CTNNBL1: variants seen among roughly 807,000 people sequenced by gnomAD.
CTNNBL1 encodes the protein beta-catenin-like protein 1.
A neutral mutation model predicts 72.7 loss-of-function variants in CTNNBL1; 31 were observed. The observed-to-expected ratio is 0.43, with a 90% CI of 0.32 to 0.58. CTNNBL1 has a LOEUF of 0.58. CTNNBL1 is among the 20% of genes least tolerant of loss of function. CTNNBL1 has a pLI of 0.08. For synonymous variants in CTNNBL1, 240 were observed against 267.3 expected, an observed-to-expected ratio of 0.90 and a Z score of 1.00; for missense variants, 534 against 725.1, an observed-to-expected ratio of 0.74 and a Z score of 3.03.
intron 1 of CTNNBL1, among the ~76,000 whole-genome samples, chr20:37,698,953 G>T (rs148068473): frequency 2.4e-4 from 36 of 152,244 alleles, no homozygotes; most frequent in Non-Finnish European, 4.0e-4. Flanking sequence ...GGCTGAGGAG[G>T]GAGGATTACT....
rs534980689 is a variant in CTNNBL1 at position 37,773,044 on chromosome 20, T to G, written c.751-4301T>G. ...AATGTTTTTAATGGGGAATACAAGC[T>G]TATTAAGATATTACGTACTATTGAA... On this transcript the variant is annotated intron_variant, in intron 7 of 15. Coordinates refer to ENST00000361383, the MANE Select transcript of CTNNBL1 (RefSeq NM_030877.5). 1.8e-4 allele frequency among the ~76,000 whole-genome samples: 27 copies of G among 152,348 alleles called. No homozygotes were observed. In the South Asian group the frequency reaches 5.6e-3, roughly 32 times the overall value.
rs6122902 is a variant in CTNNBL1 at position 37,716,845 on chromosome 20, A to G, written c.31-16034A>G. Among the ~76,000 whole-genome samples the G allele has an allele frequency of 4.5e-3, 689 of 152,374 alleles. 8 individuals are homozygous for G. The highest frequency in any genetic ancestry group is 0.017 in the East Asian group (89 of 5,192). On this transcript the variant is annotated intron_variant, in intron 1 of 15. Coordinates refer to ENST00000361383, the MANE Select transcript of CTNNBL1 (RefSeq NM_030877.5). ...ATACTCAAGGGAAAGTTCCACGTGC[A>G]TTCTATCTTCCTTGAAATAAATGTG...
chr20:37,748,867 T>G (rs1210259036), intron 4 of CTNNBL1, among the ~76,000 whole-genome samples: 3 of 152,308 alleles, frequency 2.0e-5, no homozygotes, highest in Non-Finnish European at 4.4e-5. Flanking sequence ...TATGAATCTG[T>G]GGGGGGATAT....
intron 10 of CTNNBL1, among the ~76,000 whole-genome samples, chr20:37,800,066 T>C (rs969851691): frequency 6.6e-6 from 1 of 152,212 alleles, no homozygotes; most frequent in Admixed American, 6.5e-5. Context: ...ACTTTAATAG[T>C]GCAGGGTTTT....
intron 6 of CTNNBL1, among the ~76,000 whole-genome samples, chr20:37,765,804 C>T (rs1307400208): frequency 6.6e-6 from 1 of 152,074 alleles, no homozygotes; most frequent in Non-Finnish European, 1.5e-5. Context: ...CTTGGCTGTC[C>T]CTACATCAGA....
At chr20:37,736,498 C>G (rs998440063) in intron 2 of CTNNBL1, among the ~76,000 whole-genome samples, 1 of 152,076 alleles carries the variant, frequency 6.6e-6, no homozygotes, top group African/African-American at 2.4e-5. Context: ...CTCTGCCATA[C>G]AGTGTGCTCA....
intron 11 of CTNNBL1, among the ~76,000 whole-genome samples, chr20:37,823,632 C>G (rs1042974291): frequency 1.3e-5 from 2 of 152,142 alleles, no homozygotes; most frequent in African/African-American, 4.8e-5. Flanking sequence ...CTGGAAGGCC[C>G]TGGAAACAGG....
chr20:37,717,079 C>A (rs2072992270), intron 1 of CTNNBL1, among the ~76,000 whole-genome samples: 3 of 149,390 alleles, frequency 2.0e-5, no homozygotes, highest in African/African-American at 7.7e-5. Context: ...TCATTCCCCC[C>A]TTCCCATTTT....
At chr20:37,796,071 A>G (rs552232391) in intron 10 of CTNNBL1, among the ~76,000 whole-genome samples, 1 of 152,148 alleles carries the variant, frequency 6.6e-6, no homozygotes, top group East Asian at 1.9e-4. Flanking sequence ...CTGAAGCACT[A>G]CTCATCTTAC....
chr20:37,758,392 C>G (rs555103598), intron 5 of CTNNBL1, among the ~76,000 whole-genome samples: 1 of 152,334 alleles, frequency 6.6e-6, no homozygotes, highest in South Asian at 2.1e-4. Context: ...CAGCTGTGAC[C>G]AGGTGCCAGC....
At chr20:37,803,382 A>C (rs1352245757) in intron 11 of CTNNBL1, among the ~76,000 whole-genome samples, 1 of 152,192 alleles carries the variant, frequency 6.6e-6, no homozygotes, top group Non-Finnish European at 1.5e-5. Context: ...ATGAGGTGGC[A>C]ACACATGTCA....
Position 37,765,852 on chromosome 20 carries a change from CT to C in CTNNBL1, c.658+564del, listed in dbSNP as rs1452227029. ...TGGATTCCTCTGTAGTATTTCTCCTCTTCCTTCTCCTCCTTGAATCTCCCCA... is the reference window on the plus strand; with the variant it reads ...TGGATTCCTCTGTAGTATTTCTCCTCTCCTTCTCCTCCTTGAATCTCCCCA... On this transcript the variant is annotated intron_variant, in intron 6 of 15. Coordinates refer to ENST00000361383, the MANE Select transcript of CTNNBL1 (RefSeq NM_030877.5). Among the ~76,000 whole-genome samples, 3 of 152,312 alleles carry C rather than the reference CT, an allele frequency of 2.0e-5. No homozygotes were observed. The East Asian group carries it at 5.8e-4, about 29-fold the overall frequency.
At chr20:37,817,623 T>A (rs181727498) in intron 11 of CTNNBL1, among the ~76,000 whole-genome samples, 23 of 152,286 alleles carry the variant, frequency 1.5e-4, no homozygotes, top group African/African-American at 5.3e-4. Context: ...ATAACAGTGC[T>A]TCTTAACGTT....
intron 3 of CTNNBL1, chr20:37,744,824 TG>T (rs1320853866): frequency 2.6e-5 from 4 of 152,158 alleles, no homozygotes; most frequent in Non-Finnish European, 4.4e-5. Flanking sequence ...GCTTACTTTT[TG>T]GGGGGAAAGT....
At chr20:37,858,960 G>A (rs2072466361) in intron 13 of CTNNBL1, among the ~76,000 whole-genome samples, 1 of 152,088 alleles carries the variant, frequency 6.6e-6, no homozygotes, top group African/African-American at 2.4e-5. Context: ...GGAGAAAGGG[G>A]ACCTTTCTCC....
intron 13 of CTNNBL1, among the ~76,000 whole-genome samples, chr20:37,850,810 G>C (rs2072389812): frequency 6.6e-6 from 1 of 152,196 alleles, no homozygotes; most frequent in South Asian, 2.1e-4. Context: ...CCGAGTGGAG[G>C]CTTCAGGTTT....
intron 10 of CTNNBL1, among the ~76,000 whole-genome samples, chr20:37,797,128 C>G (rs942379902): frequency 2.6e-5 from 4 of 152,014 alleles, no homozygotes; most frequent in Non-Finnish European, 5.9e-5. Flanking sequence ...TTCTGTTTTT[C>G]TTTTTCCACC....
chr20:37,748,593 G>A (rs2073289244), intron 4 of CTNNBL1, among the ~76,000 whole-genome samples: 2 of 152,184 alleles, frequency 1.3e-5, no homozygotes, highest in Non-Finnish European at 2.9e-5. Context: ...TATTTGGGCT[G>A]CTATAACAAA....
intron 15 of CTNNBL1, among the ~76,000 whole-genome samples, chr20:37,862,739 C>T (rs1438956749): frequency 1.3e-5 from 2 of 150,818 alleles, no homozygotes; most frequent in Admixed American, 6.6e-5. Context: ...TGCAGACCCT[C>T]GCAGCCATCC....
Sources: allele counts gnomAD v4.1 joint callset (sites outside exome capture counted in the v4.1 genomes callset), GRCh38; gene constraint gnomAD v4.1.1; transcripts MANE v1.5; gene names NCBI Gene and HGNC (gene_info 2026-07-23, HGNC 2026-07-21).